The following CHRNA5 variants were observed in gnomAD, a reference collection of about 807,000 sequenced individuals.
The protein encoded by CHRNA5 is neuronal acetylcholine receptor subunit alpha-5.
A neutral mutation model predicts 41.2 loss-of-function variants in CHRNA5; 28 were observed. The observed-to-expected ratio is 0.68, with a 90% CI of 0.50 to 0.93. CHRNA5 has a LOEUF of 0.93. Among genes scored for constraint, CHRNA5 ranks in the 40% least tolerant of loss-of-function variants. The probability of loss-of-function intolerance (pLI) is 0.00; values close to 1 mark genes in which losing one functional copy is unlikely to be tolerated. For synonymous variants in CHRNA5, 188 were observed against 205.8 expected, an observed-to-expected ratio of 0.91 and a Z score of 0.74; for missense variants, 481 against 581.9, an observed-to-expected ratio of 0.83 and a Z score of 1.78.
At chr15:78,568,495 T>C (rs939871639) in intron 1 of CHRNA5, among the ~76,000 whole-genome samples, 1 of 152,078 alleles carries the variant, frequency 6.6e-6, no homozygotes, top group East Asian at 1.9e-4. Flanking sequence ...CTTTAAGTTC[T>C]GGGATACATG....
chr15:78,581,675 G>A (rs989749138), intron 2 of CHRNA5, among the ~76,000 whole-genome samples: 2 of 152,074 alleles, frequency 1.3e-5, no homozygotes, highest in Non-Finnish European at 2.9e-5. Context: ...TAGAGAATTT[G>A]GAAAGTGCAA....
chr15:78,593,061 A>G, intron 5 of CHRNA5, 31 bp from the exon 6 acceptor site: 2 of 1,594,116 alleles, frequency 1.3e-6, no homozygotes, highest in Non-Finnish European at 1.7e-6. Flanking sequence ...ATTTACAATT[A>G]TTTAATGCAT....
intron 1 of CHRNA5, among the ~76,000 whole-genome samples, chr15:78,572,783 G>A (rs2052818236): frequency 6.6e-6 from 1 of 152,044 alleles, no homozygotes; most frequent in Non-Finnish European, 1.5e-5. Flanking sequence ...CACCTGGCTG[G>A]TATATAGTAT....
chr15:78,593,229 T>A (rs201177341), exon 6 of CHRNA5: 2 of 1,611,446 alleles, frequency 1.2e-6, no homozygotes, highest in Non-Finnish European at 1.7e-6. Context: ...TAATACCAGT[T>A]CATATTGGAA....
chr15:78,567,454 A>G (rs866168096), intron 1 of CHRNA5, among the ~76,000 whole-genome samples: 1 of 152,232 alleles, frequency 6.6e-6, no homozygotes, highest in Non-Finnish European at 1.5e-5. Context: ...ACTGTAGCCA[A>G]GCATTAAATA....
In CHRNA5 at chr15:78,566,207, C is replaced by T. The variant is rs989128646; in HGVS notation, c.106+382C>T. 2.0e-4 allele frequency among the ~76,000 whole-genome samples: 31 copies of T among 152,194 alleles called. 1 individual carries two copies. The highest frequency in any genetic ancestry group is 6.8e-3 in the Middle Eastern group (2 of 294). On this transcript the variant is annotated intron_variant, in intron 1 of 5. Coordinates refer to ENST00000299565, the Ensembl canonical transcript of CHRNA5. ...TACGGGATATAGAGACTCTGGGGTT[C>T]ATTCTAGGGGTTGGGACTTATCTTC...
At chr15:78,573,486 CAG>C (rs1400434571) in intron 1 of CHRNA5, among the ~76,000 whole-genome samples, 1 of 152,224 alleles carries the variant, frequency 6.6e-6, no homozygotes, top group Non-Finnish European at 1.5e-5. Flanking sequence ...GCACCTGGCA[CAG>C]AGGTTGGCAC....
chr15:78,565,875 A>G, intron 1 of CHRNA5, 50 bp downstream of exon 1: 3 of 1,108,964 alleles, frequency 2.7e-6, no homozygotes, highest in South Asian at 9.1e-5. Context: ...CGGACTCCAC[A>G]TCGCGGTGCC....
intron 1 of CHRNA5, among the ~76,000 whole-genome samples, chr15:78,573,963 A>ATTTTTTTTTTTTTTTTTTTT (rs979485573): frequency 6.9e-5 from 7 of 102,100 alleles, no homozygotes; most frequent in Admixed American, 1.1e-4. Flanking sequence ...CGCCTGGCTA[A>ATTTTTTTTTTTTTTTTTTTT]TTTTTTTTTT....
At chr15:78,569,939 C>T (rs2141396262) in intron 1 of CHRNA5, among the ~76,000 whole-genome samples, 1 of 151,906 alleles carries the variant, frequency 6.6e-6, no homozygotes, top group East Asian at 1.9e-4. Context: ...CCTGCCTCAG[C>T]CTCCCAAGTA....
intron 5 of CHRNA5, among the ~76,000 whole-genome samples, chr15:78,591,738 T>C (rs960344917): frequency 2.0e-5 from 3 of 152,174 alleles, no homozygotes; most frequent in Admixed American, 6.5e-5. Context: ...TTGGGGAACA[T>C]GTGTTTGGTC....
At position 78,595,226 on chromosome 15, in the gene CHRNA5, CATTACT is replaced by C. The variant is rs2053082221; in HGVS notation, c.*1974_*1979del. 5 of 919,552 alleles carry C rather than the reference CATTACT, an allele frequency of 5.4e-6. No individual in the cohort carries two copies. In the South Asian group the frequency reaches 2.5e-4, roughly 46 times the overall value. 57.0% of individuals were successfully genotyped at this position (919,552 alleles called of 1,614,324 possible). On this transcript the variant is annotated 3_prime_UTR_variant, in exon 6 of 6. Coordinates refer to ENST00000299565, the Ensembl canonical transcript of CHRNA5. ...ACATCCCTGATCCCTCTTATACTAC[CATTACT>C]GTTACTTATGATTTTTATATATAAA...
intron 2 of CHRNA5, among the ~76,000 whole-genome samples, chr15:78,582,387 G>A (rs1036843815): frequency 7.2e-5 from 11 of 152,046 alleles, no homozygotes; most frequent in South Asian, 4.2e-4. Context: ...AGGAGGCTGA[G>A]ACAGGAGAAT....
intron 1 of CHRNA5, among the ~76,000 whole-genome samples, chr15:78,573,069 TCA>T (rs2052821149): frequency 6.6e-6 from 1 of 152,224 alleles, no homozygotes; most frequent in South Asian, 2.1e-4. Flanking sequence ...GCTACTAGTG[TCA>T]CAACAGTGGT....
chr15:78,580,699 C>T (rs549684716), intron 1 of CHRNA5, 112 bp from the exon 2 acceptor site: 27 of 788,628 alleles, frequency 3.4e-5, no homozygotes, highest in African/African-American at 2.3e-4. Flanking sequence ...TGCAGTGGCC[C>T]GATCTTGGCT....
chr15:78,572,408 T>G (rs2052814207), intron 1 of CHRNA5, among the ~76,000 whole-genome samples: 1 of 152,220 alleles, frequency 6.6e-6, no homozygotes, highest in Non-Finnish European at 1.5e-5. Flanking sequence ...AATGATCACT[T>G]TGCAGCTTGT....
At chr15:78,592,105 C>T (rs978855414) in intron 5 of CHRNA5, among the ~76,000 whole-genome samples, 9 of 152,190 alleles carry the variant, frequency 5.9e-5, no homozygotes, top group South Asian at 2.1e-4. Flanking sequence ...AGGTGGATCA[C>T]GAGGTCAGGA....
chr15:78,573,651 G>C (rs2052827310), intron 1 of CHRNA5, among the ~76,000 whole-genome samples: 1 of 152,196 alleles, frequency 6.6e-6, no homozygotes, highest in South Asian at 2.1e-4. Context: ...TTTATCTGCA[G>C]GTTGGCAAAA....
intron 4 of CHRNA5, 21 bp from the exon 5 acceptor site, chr15:78,589,784 T>C: frequency 6.6e-7 from 1 of 1,510,164 alleles, no homozygotes; most frequent in Admixed American, 2.2e-5. Context: ...TGCATTGTTA[T>C]TTTATATGTG....
Sources: gnomAD v4.1 joint callset for allele counts (sites outside exome capture counted in the v4.1 genomes callset) on GRCh38, gnomAD v4.1.1 for gene constraint, MANE v1.5 for transcripts, NCBI Gene and HGNC (gene_info 2026-07-23, HGNC 2026-07-21) for gene names.